Variants in AK7 observed in about 807,000 individuals in gnomAD.
The protein encoded by AK7 is ATP-AMP transphosphorylase 7.
In AK7, 78 loss-of-function variants were observed where a neutral mutation model predicts 96.6. The ratio of observed to expected loss-of-function variants is 0.81; its 90% CI spans 0.67 to 0.97. The LOEUF is 0.97. AK7 is among the 50% of genes least tolerant of loss of function. The pLI, the probability that AK7 is intolerant of heterozygous loss-of-function variation, is 0.00. For synonymous variants in AK7, 302 were observed against 317.2 expected, an observed-to-expected ratio of 0.95 and a Z score of 0.51; for missense variants, 855 against 887.9, an observed-to-expected ratio of 0.96 and a Z score of 0.47.
chr14:96,394,822 A>C (rs1029269590), intron 1 of AK7, among the ~76,000 whole-genome samples: 1 of 152,196 alleles, frequency 6.6e-6, no homozygotes, highest in Non-Finnish European at 1.5e-5. Flanking sequence ...CTAAAAATAC[A>C]AAAATTAGCC....
At chr14:96,408,181 A>G (rs1163741763) in intron 3 of AK7, among the ~76,000 whole-genome samples, 2 of 152,162 alleles carry the variant, frequency 1.3e-5, no homozygotes, top group Non-Finnish European at 2.9e-5. Flanking sequence ...CTTTCACTGA[A>G]CAGGGTTGCC....
chr14:96,461,519 T>C (rs146579703), intron 12 of AK7, among the ~76,000 whole-genome samples: 1 of 152,212 alleles, frequency 6.6e-6, no homozygotes, highest in Non-Finnish European at 1.5e-5. Flanking sequence ...AACTATGCCA[T>C]CCCCTAAGGA....
chr14:96,395,718 G>GA (rs71103518), intron 1 of AK7, among the ~76,000 whole-genome samples: 4,731 of 40,926 alleles, frequency 0.12, 563 homozygotes, highest in African/African-American at 0.17. Flanking sequence ...CTTGTCTCTA[G>GA]AAAAAAAAAA....
rs200685575 is a variant in AK7 at position 96,482,961 on chromosome 14, A to G, written c.1754-38A>G. The G allele has an allele frequency of 1.8e-3, 2,941 of 1,603,498 alleles. 10 individuals carry two copies. The highest frequency in any genetic ancestry group is 2.2e-3 in the Non-Finnish European group (2,603 of 1,171,228). ...TTTCCCAATTGCAGGCAGGCCTAGA[A>G]TATAAGTATGTGTTGATCTCTCTCC... On this transcript the variant is annotated intron_variant, in intron 15 of 17. Coordinates refer to ENST00000267584, the MANE Select transcript of AK7 (RefSeq NM_152327.5).
chr14:96,398,288 G>C (rs1193123034), intron 2 of AK7, 25 bp downstream of exon 2: 8 of 1,610,434 alleles, frequency 5.0e-6, no homozygotes, highest in African/African-American at 1.3e-5. Context: ...CTCTGGCCAG[G>C]AGTAGACAGA....
In AK7 at chr14:96,488,371, T is replaced by C; in HGVS notation, c.*28T>C. ...CTTGAAAGATCTGGTATTATCTACC[T>C]TTACAGAACCACAGATCACTTATTA... On this transcript the variant is annotated 3_prime_UTR_variant, in exon 18 of 18. Transcript: ENST00000267584. The C allele has an allele frequency of 6.2e-7, 1 of 1,600,676 alleles. No homozygotes were observed. The highest frequency in any genetic ancestry group is 8.5e-7 in the Non-Finnish European group (1 of 1,169,642).
intron 1 of AK7, among the ~76,000 whole-genome samples, chr14:96,396,170 G>C (rs1391329252): frequency 6.6e-6 from 1 of 152,128 alleles, no homozygotes; most frequent in Non-Finnish European, 1.5e-5. Context: ...GTCTCCCAAA[G>C]TGCTGGGATT....
intron 4 of AK7, among the ~76,000 whole-genome samples, chr14:96,417,074 G>C (rs112307168): frequency 6.6e-6 from 1 of 152,180 alleles, no homozygotes; most frequent in Non-Finnish European, 1.5e-5. Context: ...CAGAAGAGGG[G>C]TGTTGGGCCA....
At chr14:96,459,101 G>A (rs893952480) in intron 12 of AK7, among the ~76,000 whole-genome samples, 2 of 152,088 alleles carry the variant, frequency 1.3e-5, no homozygotes, top group South Asian at 2.1e-4. Flanking sequence ...ACTTTGGGAA[G>A]CCAAGTTGGG....
Position 96,475,082 on chromosome 14 carries a change from C to T in AK7, c.1555+2327C>T, listed in dbSNP as rs750329194. 3.3e-4 allele frequency among the ~76,000 whole-genome samples: 51 copies of T among 152,348 alleles called. No individual in the cohort carries two copies. In the Middle Eastern group the frequency reaches 0.01, roughly 30 times the overall value. ...GGTCAAGTGACCAAGGACTCTTAAA[C>T]GTAGGCCACTGGACTTTCCATTCTT... On this transcript the variant is annotated intron_variant, in intron 14 of 17. Transcript: ENST00000267584.
chr14:96,419,950 G>A (rs2140037556), intron 4 of AK7, among the ~76,000 whole-genome samples: 1 of 151,318 alleles, frequency 6.6e-6, no homozygotes, highest in East Asian at 2.0e-4. Context: ...CACCACACCT[G>A]GCTAATTTTT....
chr14:96,481,157 G>C (rs1204879518), intron 15 of AK7, among the ~76,000 whole-genome samples: 1 of 152,100 alleles, frequency 6.6e-6, no homozygotes, highest in Non-Finnish European at 1.5e-5. Flanking sequence ...GGGCAACTCT[G>C]CTGGTCACAG....
chr14:96,434,864 T>TA (rs1439366952), intron 5 of AK7, among the ~76,000 whole-genome samples: 1 of 152,130 alleles, frequency 6.6e-6, no homozygotes, highest in African/African-American at 2.4e-5. Flanking sequence ...CCTCATCCAG[T>TA]AGCCACCCCA....
intron 17 of AK7, among the ~76,000 whole-genome samples, 199 bp downstream of exon 17, chr14:96,487,255 C>T (rs951879966): frequency 4.6e-4 from 68 of 149,016 alleles, no homozygotes; most frequent in African/African-American, 1.4e-3. Context: ...TGTGGTGGCA[C>T]GCGCTGTAGT....
At chr14:96,482,158 G>C (rs1040921478) in intron 15 of AK7, among the ~76,000 whole-genome samples, 1 of 151,944 alleles carries the variant, frequency 6.6e-6, no homozygotes, top group African/African-American at 2.4e-5. Context: ...AGCACTATGA[G>C]AGGCCAAGGC....
At chr14:96,432,446 T>C (rs892112076) in intron 5 of AK7, among the ~76,000 whole-genome samples, 22 of 152,290 alleles carry the variant, frequency 1.4e-4, no homozygotes, top group Admixed American at 1.3e-3. Context: ...TAGCTGGTTA[T>C]TTTGCCCATT....
intron 10 of AK7, among the ~76,000 whole-genome samples, chr14:96,455,158 A>T (rs1357058065): frequency 4.6e-5 from 7 of 151,492 alleles, no homozygotes; most frequent in African/African-American, 7.3e-5. Flanking sequence ...CAAGAGTGAA[A>T]CTCTGTCTCA....
chr14:96,405,360 T>C (rs1008638825), intron 3 of AK7, among the ~76,000 whole-genome samples: 6 of 151,982 alleles, frequency 3.9e-5, no homozygotes, highest in African/African-American at 1.5e-4. Flanking sequence ...ATTTTTTTTT[T>C]TTTGGCAGAG....
intron 12 of AK7, among the ~76,000 whole-genome samples, chr14:96,465,533 T>C (rs1894514984): frequency 6.6e-6 from 1 of 152,146 alleles, no homozygotes; most frequent in Non-Finnish European, 1.5e-5. Flanking sequence ...TACATTTCTT[T>C]GTCAAAGTAA....
Sources: allele counts gnomAD v4.1 joint callset (sites outside exome capture counted in the v4.1 genomes callset), GRCh38; gene constraint gnomAD v4.1.1; transcripts MANE v1.5; gene names NCBI Gene and HGNC (gene_info 2026-07-23, HGNC 2026-07-21).